Variants in NPAS3 observed in about 807,000 individuals in gnomAD.
NPAS3 encodes neuronal PAS domain-containing protein 3.
Under a neutral mutation model 73.1 loss-of-function variants are expected in NPAS3, and 14 were observed. That is an observed-to-expected ratio of 0.19 (90% CI 0.13 to 0.30). The LOEUF (loss-of-function observed/expected upper bound fraction) is 0.30, where lower values mean the gene tolerates loss of function less well. Among genes scored for constraint, NPAS3 ranks in the 10% least tolerant of loss-of-function variants. The probability of loss-of-function intolerance (pLI) is 1.00; values close to 1 mark genes in which losing one functional copy is unlikely to be tolerated. For missense variants in NPAS3, 1,096 were observed against 1,250.0 expected, an observed-to-expected ratio of 0.88 and a Z score of 1.86; for synonymous variants, 620 against 541.5, an observed-to-expected ratio of 1.14 and a Z score of -2.01.
chr14:33,269,850 A>T (rs1003531677), intron 3 of NPAS3, among the ~76,000 whole-genome samples: 12 of 152,194 alleles, frequency 7.9e-5, no homozygotes, highest in African/African-American at 2.9e-4. Flanking sequence ...ATAAACTGAA[A>T]TACTCATTCA....
intron 6 of NPAS3, among the ~76,000 whole-genome samples, chr14:33,697,916 A>G (rs2060429071): frequency 6.6e-6 from 1 of 152,222 alleles, no homozygotes; most frequent in Non-Finnish European, 1.5e-5. Context: ...CTTTCTCTCA[A>G]ATGGGTCCAA....
At chr14:33,006,788 TTA>T (rs1437607294) in intron 1 of NPAS3, among the ~76,000 whole-genome samples, 17 of 152,158 alleles carry the variant, frequency 1.1e-4, no homozygotes, top group African/African-American at 2.2e-4. Context: ...GAAAAAACAT[TTA>T]TGTCGGGCAA....
intron 2 of NPAS3, among the ~76,000 whole-genome samples, chr14:33,139,930 T>A (rs1235291251): frequency 1.5e-5 from 2 of 131,586 alleles, no homozygotes; most frequent in East Asian, 4.8e-4. Flanking sequence ...TCCTATAATA[T>A]TCTGCCTGCA....
intron 4 of NPAS3, among the ~76,000 whole-genome samples, chr14:33,479,434 C>T (rs2051203799): frequency 1.3e-5 from 2 of 152,162 alleles, no homozygotes; most frequent in Admixed American, 1.3e-4. Flanking sequence ...CACCTAGATG[C>T]TTATCTAGAC....
chr14:33,329,818 G>A, intron 3 of NPAS3, among the ~76,000 whole-genome samples: 1 of 152,080 alleles, frequency 6.6e-6, no homozygotes, highest in Non-Finnish European at 1.5e-5. Flanking sequence ...TGGAGTGTGT[G>A]TGTGTGTGAG....
At chr14:33,140,655 T>C (rs17462275) in intron 2 of NPAS3, among the ~76,000 whole-genome samples, 15,451 of 152,224 alleles carry the variant, frequency 0.1, 1,081 homozygotes, top group Non-Finnish European at 0.16. Context: ...AGGATTATAA[T>C]TCTTAGCTCT....
intron 6 of NPAS3, among the ~76,000 whole-genome samples, chr14:33,714,680 T>C (rs1269194161): frequency 6.6e-6 from 1 of 152,234 alleles, no homozygotes; most frequent in Non-Finnish European, 1.5e-5. Context: ...AAATTTATCC[T>C]GGAGTCATGA....
rs192660176 is a variant in NPAS3 at position 33,212,143 on chromosome 14, T to C, written c.141-3039T>C. On this transcript the variant is annotated intron_variant, in intron 2 of 11. Coordinates refer to ENST00000356141, the Ensembl canonical transcript of NPAS3. ...CTACTTTACATAAGCGAGTGAAAGA[T>C]TAATGCACAATCTAGAGTGTCATTG... Among the ~76,000 whole-genome samples the C allele has an allele frequency of 1.1e-3, 175 of 152,364 alleles. 1 individual carries two copies. The Middle Eastern group carries it at 0.017, about 15-fold the overall frequency.
At chr14:33,159,405 C>T (rs951494786) in intron 2 of NPAS3, among the ~76,000 whole-genome samples, 3 of 152,038 alleles carry the variant, frequency 2.0e-5, no homozygotes, top group East Asian at 1.9e-4. Context: ...CAAGGTAAAA[C>T]GTTTTCTTGT....
intron 1 of NPAS3, among the ~76,000 whole-genome samples, chr14:32,946,135 T>G (rs1458853982): frequency 6.6e-6 from 1 of 152,212 alleles, no homozygotes; most frequent in Non-Finnish European, 1.5e-5. Context: ...TTTGTAAGGA[T>G]TTGTACAAGT....
At chr14:33,610,691 TC>T (rs1297947567) in intron 5 of NPAS3, among the ~76,000 whole-genome samples, 5 of 152,262 alleles carry the variant, frequency 3.3e-5, no homozygotes, top group African/African-American at 1.2e-4. Context: ...TCAGTAGCTT[TC>T]CAAATCTTGG....
chr14:33,793,367 G>A (rs2063419911), intron 9 of NPAS3, among the ~76,000 whole-genome samples: 1 of 152,172 alleles, frequency 6.6e-6, no homozygotes, highest in African/African-American at 2.4e-5. Context: ...GTTCATCGGA[G>A]GACTATAAAT....
At chr14:33,139,717 G>T (rs2043972880) in intron 2 of NPAS3, among the ~76,000 whole-genome samples, 1 of 152,132 alleles carries the variant, frequency 6.6e-6, no homozygotes, top group African/African-American at 2.4e-5. Context: ...TTAGTAACAT[G>T]AAATAAAAAT....
At chr14:33,277,239 G>A (rs552964463) in intron 3 of NPAS3, among the ~76,000 whole-genome samples, 3 of 152,230 alleles carry the variant, frequency 2.0e-5, no homozygotes, top group South Asian at 2.1e-4. Context: ...CAAGTGTGGA[G>A]GCAGTGTGGT....
chr14:33,798,645 G>C (rs1040107260), intron 11 of NPAS3, among the ~76,000 whole-genome samples: 2 of 152,156 alleles, frequency 1.3e-5, no homozygotes, highest in African/African-American at 4.8e-5. Flanking sequence ...AAGGAGGGCA[G>C]AGCACTCAAG....
intron 3 of NPAS3, among the ~76,000 whole-genome samples, chr14:33,355,873 A>G (rs1198834505): frequency 6.7e-6 from 1 of 149,758 alleles, no homozygotes; most frequent in Non-Finnish European, 1.5e-5. Context: ...ATGTTCTTTC[A>G]TACTGCTGCT....
In NPAS3 at chr14:33,751,206, T is replaced by C. The variant is rs530824721; in HGVS notation, c.852+15874T>C. Among the ~76,000 whole-genome samples, 3 of 152,344 alleles carry C rather than the reference T, an allele frequency of 2.0e-5. No individual in the cohort carries two copies. The South Asian group carries it at 6.2e-4, about 32-fold the overall frequency. ...TTCATGTCAACAAAATTTTTTGGAA[T>C]CATTGTAAGAGAAAGAGCATTATTT... is the stretch of plus-strand genomic sequence containing the variant. On this transcript the variant is annotated intron_variant, in intron 7 of 11. Transcript: ENST00000356141.
chr14:33,338,557 G>A (rs1002338729), intron 3 of NPAS3, among the ~76,000 whole-genome samples: 2 of 152,146 alleles, frequency 1.3e-5, no homozygotes, highest in African/African-American at 4.8e-5. Flanking sequence ...CAGAAGACCT[G>A]AAATTTAGTT....
intron 1 of NPAS3, among the ~76,000 whole-genome samples, chr14:32,969,341 A>C (rs954314197): frequency 1.3e-5 from 2 of 152,026 alleles, no homozygotes; most frequent in Non-Finnish European, 2.9e-5. Context: ...GTGGGTGGGG[A>C]GTGGGGAGTA....
Sources: gnomAD v4.1 joint callset for allele counts (sites outside exome capture counted in the v4.1 genomes callset) on GRCh38, gnomAD v4.1.1 for gene constraint, MANE v1.5 for transcripts, NCBI Gene and HGNC (gene_info 2026-07-23, HGNC 2026-07-21) for gene names.